TAOK1: variants seen among roughly 807,000 people sequenced by gnomAD.
The protein encoded by TAOK1 is serine/threonine-protein kinase TAO1.
TAOK1 carries 21 observed loss-of-function variants against 138.3 expected under a neutral mutation model. That is an observed-to-expected ratio of 0.15 (90% CI 0.11 to 0.22). The LOEUF is 0.22. Ranked by LOEUF, TAOK1 falls within the 10% of genes least tolerant of loss-of-function variation. The pLI is 1.00. For missense variants in TAOK1, 651 were observed against 1,227.7 expected (o/e 0.53, Z 7.02); for synonymous variants, 361 against 398.4 (o/e 0.91, Z 1.12).
intron 1 of TAOK1, among the ~76,000 whole-genome samples, chr17:29,395,905 C>A (rs1962494665): frequency 6.9e-6 from 1 of 145,224 alleles, no homozygotes; most frequent in Admixed American, 7.3e-5. Context: ...TCAGCTCCAG[C>A]TATCTACCTG....
intron 1 of TAOK1, among the ~76,000 whole-genome samples, chr17:29,412,382 C>A (rs1407289268): frequency 6.6e-6 from 1 of 151,792 alleles, no homozygotes; most frequent in African/African-American, 2.4e-5. Context: ...CACACTTTGC[C>A]TATGTTTATG....
intron 17 of TAOK1, among the ~76,000 whole-genome samples, chr17:29,526,003 A>T (rs557497870): frequency 6.6e-6 from 1 of 152,312 alleles, no homozygotes; most frequent in Admixed American, 6.5e-5. Flanking sequence ...CTCAAAAATT[A>T]AAAATAATGT....
At chr17:29,434,299 T>A (rs1364492529) in intron 1 of TAOK1, among the ~76,000 whole-genome samples, 1 of 151,978 alleles carries the variant, frequency 6.6e-6, no homozygotes, top group African/African-American at 2.4e-5. Flanking sequence ...AGAAACACAA[T>A]TATCTATTAG....
Position 29,427,333 on chromosome 17 carries a change from G to A in TAOK1, c.-94-24122G>A, listed in dbSNP as rs544525270. Among the ~76,000 whole-genome samples, 12 of 152,132 alleles carry A rather than the reference G, an allele frequency of 7.9e-5. 1 individual carries two copies. The South Asian group carries it at 1.4e-3, about 18-fold the overall frequency. ...ATCTTGGCTAGGTGCGGTGGCTCAC[G>A]CCTGTAATCCTAGCACTTTGGGAGG... On this transcript the variant is annotated intron_variant, in intron 1 of 19. Transcript: ENST00000261716.
chr17:29,542,740 T>C lies in TAOK1; in HGVS notation c.2724T>C (p.Ser908=). 1 of 1,614,266 alleles carries C rather than the reference T, an allele frequency of 6.2e-7. No homozygotes were observed. The highest frequency in any genetic ancestry group is 2.2e-5 in the East Asian group (1 of 44,884). ...TCAGCCACAGCTACCCGGGAGCTTC[T>C]GGTTGGTCACACAACCCTACTGGGG... is the stretch of plus-strand genomic sequence containing the variant. ...EAFSHSYPGA[S]GWSHNPTGGP... Residue 908 remains serine (S), a synonymous_variant, in exon 20 of 20, where the codon TCT becomes TCC. Transcript: ENST00000261716.
chr17:29,489,904 T>C, intron 9 of TAOK1, 147 bp downstream of exon 9: 1 of 471,134 alleles, frequency 2.1e-6, no homozygotes, highest in East Asian at 3.5e-5. Flanking sequence ...CTTTTAAATA[T>C]ATTTATTCTT....
chr17:29,536,310 T>C (rs7222199), intron 19 of TAOK1, among the ~76,000 whole-genome samples: 1,977 of 107,030 alleles, frequency 0.018, 42 homozygotes, highest in African/African-American at 0.066. Context: ...AAAAATAAGA[T>C]GAGAGGCCGG....
chr17:29,469,127 A>T (rs540065480), intron 3 of TAOK1, among the ~76,000 whole-genome samples: 171 of 152,186 alleles, frequency 1.1e-3, no homozygotes, highest in African/African-American at 4.0e-3. Flanking sequence ...CACACCTGTA[A>T]TCCCAGCACT....
At chr17:29,494,935 T>C (rs1053515185) in intron 10 of TAOK1, among the ~76,000 whole-genome samples, 1 of 152,168 alleles carries the variant, frequency 6.6e-6, no homozygotes, top group African/African-American at 2.4e-5. Context: ...TACAAAACAT[T>C]TTATACATAG....
chr17:29,421,658 G>A (rs1302141080), intron 1 of TAOK1, among the ~76,000 whole-genome samples: 1 of 152,080 alleles, frequency 6.6e-6, no homozygotes, highest in African/African-American at 2.4e-5. Context: ...GAGTGTAGTG[G>A]TGCCATCACA....
chr17:29,456,910 T>C lies in TAOK1; in HGVS notation c.132+5230T>C, dbSNP rs1230302996. On this transcript the variant is annotated intron_variant, in intron 2 of 19. Transcript: ENST00000261716. ...CACCACGCCTGGCTAATTTTCTGTA[T>C]TTTTAATAGAGACGGGGTTCCACTG... is the stretch of plus-strand genomic sequence containing the variant. Among the ~76,000 whole-genome samples the C allele has an allele frequency of 9.5e-5, 14 of 148,100 alleles. 1 individual carries two copies. The highest frequency in any genetic ancestry group is 2.8e-4 in the African/African-American group (11 of 38,698).
chr17:29,422,057 C>T (rs1287892411), intron 1 of TAOK1, among the ~76,000 whole-genome samples: 1 of 151,910 alleles, frequency 6.6e-6, no homozygotes, highest in African/African-American at 2.4e-5. Context: ...GCTACCACGC[C>T]CAGCTAATTT....
intron 2 of TAOK1, among the ~76,000 whole-genome samples, chr17:29,459,573 G>A (rs962438735): frequency 3.9e-5 from 6 of 152,026 alleles, no homozygotes; most frequent in East Asian, 1.9e-4. Context: ...CACCACACCC[G>A]GCCTCATTCT....
chr17:29,500,394 A>C (rs1182485903), intron 12 of TAOK1, among the ~76,000 whole-genome samples: 1 of 152,194 alleles, frequency 6.6e-6, no homozygotes, highest in Non-Finnish European at 1.5e-5. Flanking sequence ...TAGTAGGTAC[A>C]ATGGCTAAAA....
intron 1 of TAOK1, among the ~76,000 whole-genome samples, chr17:29,422,370 ATT>A (rs760670365): frequency 3.6e-5 from 5 of 138,518 alleles, no homozygotes; most frequent in Admixed American, 7.3e-5. Flanking sequence ...CACCCAGCTA[ATT>A]TTTTTTTTTT....
intron 8 of TAOK1, among the ~76,000 whole-genome samples, chr17:29,487,892 C>T (rs905464887): frequency 3.3e-5 from 5 of 152,164 alleles, no homozygotes; most frequent in Non-Finnish European, 2.9e-5. Context: ...AGAAGACTGG[C>T]AGACATGGGC....
At chr17:29,414,154 A>T (rs1905212050) in intron 1 of TAOK1, among the ~76,000 whole-genome samples, 2 of 152,096 alleles carry the variant, frequency 1.3e-5, no homozygotes, top group South Asian at 4.1e-4. Flanking sequence ...AAGTGCTGGG[A>T]TTACAGGCGT....
intron 2 of TAOK1, among the ~76,000 whole-genome samples, chr17:29,460,495 G>A (rs759282222): frequency 1.3e-5 from 2 of 152,150 alleles, no homozygotes; most frequent in African/African-American, 2.4e-5. Context: ...CGGCCTGTCA[G>A]TAGTCTTTTT....
Position 29,406,532 on chromosome 17 carries a change from C to T in TAOK1, c.-95+15508C>T, listed in dbSNP as rs375433162. On this transcript the variant is annotated intron_variant, in intron 1 of 19. Transcript: ENST00000261716. ...TTTTGGGCCATATCTTTTTTCTTTTCTTTTTTCTTTTTTGAGACTGGATCT... is the reference window on the plus strand; with the variant it reads ...TTTTGGGCCATATCTTTTTTCTTTTTTTTTTTCTTTTTTGAGACTGGATCT... Among the ~76,000 whole-genome samples, 111 of 151,984 alleles carry T rather than the reference C, an allele frequency of 7.3e-4. 3 individuals are homozygous for T. The South Asian group carries it at 0.022, about 30-fold the overall frequency.
Sources: allele counts gnomAD v4.1 joint callset (sites outside exome capture counted in the v4.1 genomes callset), GRCh38; gene constraint gnomAD v4.1.1; transcripts MANE v1.5; gene names NCBI Gene and HGNC (gene_info 2026-07-23, HGNC 2026-07-21).